TULP4: variants seen among roughly 807,000 people sequenced by gnomAD.
TULP4 encodes the protein TUB like protein 4.
A neutral mutation model predicts 129.0 loss-of-function variants in TULP4; 16 were observed. The ratio of observed to expected loss-of-function variants is 0.12; its 90% CI spans 0.08 to 0.19. The LOEUF is 0.19. Ranked by LOEUF, TULP4 falls within the 10% of genes least tolerant of loss-of-function variation. The pLI is 1.00. For missense variants in TULP4, 1,842 were observed against 2,059.1 expected, an observed-to-expected ratio of 0.89 and a Z score of 2.04; for synonymous variants, 998 against 854.0, an observed-to-expected ratio of 1.17 and a Z score of -2.94.
In TULP4 at chr6:158,461,614, T is replaced by C; in HGVS notation, c.911T>C (p.Met304Thr). 6.2e-7 allele frequency: 1 copy of C among 1,614,020 alleles called. No homozygotes were observed. Among genetic ancestry groups the C allele is most frequent in the Non-Finnish European group, 8.5e-7 (1 of 1,179,996 alleles). ...TQGDLLAVAG[M>T]ERQTQLGELP... ...GGGGACTTGCTGGCAGTCGCTGGGA[T>C]GGAACGGCAGACCCAGCTTGGTGAG... The change falls in exon 6 of 14, where the codon ATG (methionine) becomes ACG (threonine). Residue 304 changes from methionine to threonine, a missense_variant. Physicochemically the swap from Met to Thr is moderately conservative, Grantham distance 81. This residue lies in a region of TULP4 where 456 missense variants were observed against 534.3 expected (regional missense o/e 0.85). Transcript: ENST00000367097.
At chr6:158,256,718 C>T (rs189830581) in intron 1 of TULP4, among the ~76,000 whole-genome samples, 1 of 152,312 alleles carries the variant, frequency 6.6e-6, no homozygotes, top group East Asian at 1.9e-4. Context: ...AGTGGAACTG[C>T]AATGAAAAGC....
At chr6:158,309,143 T>G, upstream of TULP4, among the ~76,000 whole-genome samples, 1 of 31,826 alleles carries the variant, frequency 3.1e-5, no homozygotes, top group Non-Finnish European at 8.6e-5. Context: ...ATGGGGCGGC[T>G]GCCGGGCAGA....
intron 1 of TULP4, among the ~76,000 whole-genome samples, chr6:158,390,606 A>AT (rs1459734539): frequency 6.6e-6 from 1 of 152,218 alleles, no homozygotes; most frequent in Non-Finnish European, 1.5e-5. Context: ...TGCTCAACAG[A>AT]TAGGACAAGC....
intron 1 of TULP4, among the ~76,000 whole-genome samples, chr6:158,241,731 A>ACTACAGGCACG (rs975691016): frequency 1.3e-5 from 2 of 152,082 alleles, no homozygotes; most frequent in African/African-American, 4.8e-5. Context: ...AGTAGCCGGG[A>ACTACAGGCACG]CTACAGGCAC....
intron 1 of TULP4, among the ~76,000 whole-genome samples, chr6:158,365,012 G>A (rs1284996810): frequency 6.6e-6 from 1 of 152,046 alleles, no homozygotes. Context: ...TGGGATTACA[G>A]GCGTGAGCCA....
chr6:158,411,406 C>G, intron 1 of TULP4, among the ~76,000 whole-genome samples: 1 of 152,120 alleles, frequency 6.6e-6, no homozygotes, highest in East Asian at 1.9e-4. Flanking sequence ...AGGGTCTCAA[C>G]AGAGAGGATT....
chr6:158,287,223 T>TC (rs2128469030), intron 1 of TULP4, among the ~76,000 whole-genome samples: 1 of 152,318 alleles, frequency 6.6e-6, no homozygotes, highest in African/African-American at 2.4e-5. Context: ...GTTGTTAAGC[T>TC]CCATCTAGCA....
rs150631889 is a variant in TULP4, at chr6:158,422,417, A to T, written c.382-7319A>T. ...TGAATATCTGTATTTTTTAAAAAGA[A>T]AACCTTGATTCTTACCTCACACCGT... On this transcript the variant is annotated intron_variant, in intron 2 of 13. Coordinates refer to ENST00000367097, the MANE Select transcript of TULP4 (RefSeq NM_020245.5). Among the ~76,000 whole-genome samples, 917 of 152,334 alleles carry T rather than the reference A, an allele frequency of 6.0e-3. 3 individuals are homozygous for T. Among genetic ancestry groups the T allele is most frequent in the Non-Finnish European group, 0.011 (718 of 68,024 alleles).
chr6:158,415,770 T>C (rs1583851903), intron 2 of TULP4, among the ~76,000 whole-genome samples: 1 of 152,046 alleles, frequency 6.6e-6, no homozygotes, highest in Non-Finnish European at 1.5e-5. Flanking sequence ...TCCGTGGATA[T>C]GTTACTGCCC....
chr6:158,271,769 G>A (rs1045659740), intron 1 of TULP4, among the ~76,000 whole-genome samples: 3 of 152,136 alleles, frequency 2.0e-5, no homozygotes, highest in African/African-American at 7.2e-5. Context: ...TGATTCAGGT[G>A]TAACTGTCCT....
chr6:158,464,721 GA>G (rs1000052794), intron 6 of TULP4, among the ~76,000 whole-genome samples: 85 of 152,282 alleles, frequency 5.6e-4, no homozygotes, highest in Middle Eastern at 3.4e-3. Flanking sequence ...TTATGCAGAT[GA>G]AACTACTTAA....
chr6:158,292,050 G>T (rs959947775), intron 1 of TULP4, among the ~76,000 whole-genome samples: 1 of 152,158 alleles, frequency 6.6e-6, no homozygotes, highest in African/African-American at 2.4e-5. Flanking sequence ...CAGATTTTTG[G>T]TTGAACCTTA....
chr6:158,308,823 T>G (rs1779269524), upstream of TULP4, among the ~76,000 whole-genome samples: 2 of 120,302 alleles, frequency 1.7e-5, no homozygotes, highest in Admixed American at 1.7e-4. Flanking sequence ...CACTTCCCAG[T>G]AGGGGCGGCC....
intron 4 of TULP4, among the ~76,000 whole-genome samples, chr6:158,450,298 G>C (rs1388851240): frequency 1.3e-5 from 2 of 152,188 alleles, no homozygotes; most frequent in Non-Finnish European, 2.9e-5. Flanking sequence ...CCATTGTGGG[G>C]CATGTCGTCC....
chr6:158,413,317 A>G lies in TULP4; in HGVS notation c.381+124A>G, dbSNP rs1405381417. 3 of 1,142,934 alleles carry G rather than the reference A, an allele frequency of 2.6e-6. No homozygotes were observed. Among genetic ancestry groups the G allele is most frequent in the Non-Finnish European group, 3.6e-6 (3 of 844,720 alleles). 70.8% of individuals were successfully genotyped at this position (1,142,934 alleles called of 1,614,324 possible). A position where few individuals can be genotyped will look rare whatever the true frequency, so the allele number is the denominator to read the frequency against. ...GTGCTCCAGAGCTGGGGGAAGAGAA[A>G]TCAATCAAATTAGAATCCTACTTTT... is the stretch of plus-strand genomic sequence containing the variant. On this transcript the variant is annotated intron_variant, in intron 2 of 13. Transcript: ENST00000367097. This position sits in a 1 kb window ranked among gnomAD's most constrained non-coding sequence, Gnocchi z 4.9.
intron 1 of TULP4, among the ~76,000 whole-genome samples, chr6:158,352,053 G>A (rs1308189738): frequency 1.3e-5 from 2 of 152,006 alleles, no homozygotes; most frequent in Admixed American, 1.3e-4. Flanking sequence ...ACTTATTGGG[G>A]CATTTAAAAA....
chr6:158,420,483 TG>T (rs1778313394), intron 2 of TULP4, among the ~76,000 whole-genome samples: 1 of 152,212 alleles, frequency 6.6e-6, no homozygotes, highest in Non-Finnish European at 1.5e-5. Context: ...GTCTGTTTTT[TG>T]TTTTGTTTTG....
intron 1 of TULP4, among the ~76,000 whole-genome samples, chr6:158,396,063 T>C (rs1430203676): frequency 6.6e-6 from 1 of 152,208 alleles, no homozygotes; most frequent in African/African-American, 2.4e-5. Flanking sequence ...GCCTCAGTTT[T>C]CTCAGTGCTA....
rs1780613404 is a variant in TULP4, at chr6:158,506,763, G to T, written c.*69G>T. ...AGAGGTCTTCGGAGATGCCAGAGGAGCCCTCTAGGGGTCCGATGCCTGGGA... is the reference window on the plus strand; with the variant it reads ...AGAGGTCTTCGGAGATGCCAGAGGATCCCTCTAGGGGTCCGATGCCTGGGA... On this transcript the variant is annotated 3_prime_UTR_variant, in exon 14 of 14. Transcript: ENST00000367097. 3 of 1,108,886 alleles carry T rather than the reference G, an allele frequency of 2.7e-6. No homozygotes were observed. In the East Asian group the frequency reaches 7.0e-5, roughly 26 times the overall value. 68.7% of individuals were successfully genotyped at this position (1,108,886 alleles called of 1,614,324 possible).
Sources: gnomAD v4.1 joint callset for allele counts (sites outside exome capture counted in the v4.1 genomes callset) on GRCh38, gnomAD v4.1.1 for gene constraint, gnomAD v4.1.1 regional missense constraint, Gnocchi (gnomAD v3.1) non-coding constraint, MANE v1.5 for transcripts, NCBI Gene and HGNC (gene_info 2026-07-23, HGNC 2026-07-21) for gene names.